ELP4: variants seen among roughly 807,000 people sequenced by gnomAD.
The protein encoded by ELP4 is elongator complex protein 4.
In ELP4, 51 loss-of-function variants were observed where a neutral mutation model predicts 48.9. The observed-to-expected ratio is 1.04, with a 90% confidence interval of 0.83 to 1.32. The LOEUF is 1.32. ELP4 is among the 40% of genes most tolerant of loss of function. The pLI, the probability that ELP4 is intolerant of heterozygous loss-of-function variation, is 0.00. For synonymous variants in ELP4, 210 were observed against 189.2 expected (o/e 1.11, Z -0.90); for missense variants, 519 against 514.6 (o/e 1.01, Z -0.08).
intron 3 of ELP4, among the ~76,000 whole-genome samples, chr11:31,547,919 T>A: frequency 6.6e-6 from 1 of 152,132 alleles, no homozygotes; most frequent in Non-Finnish European, 1.5e-5. Flanking sequence ...AGAAAAGGCC[T>A]TTGACAAAAT....
chr11:31,632,514 G>C, intron 7 of ELP4, 109 bp downstream of exon 7: 1 of 836,918 alleles, frequency 1.2e-6, no homozygotes, highest in Non-Finnish European at 1.7e-6. Flanking sequence ...ATCTTTTCAG[G>C]TGCTTTCTGG....
chr11:31,618,112 G>T (rs1163116939), intron 5 of ELP4, among the ~76,000 whole-genome samples: 1 of 151,932 alleles, frequency 6.6e-6, no homozygotes, highest in East Asian at 1.9e-4. Context: ...GATAAAAAAT[G>T]TTATATCCAT....
chr11:31,708,365 C>T (rs1447574111), intron 9 of ELP4, among the ~76,000 whole-genome samples: 8 of 152,106 alleles, frequency 5.3e-5, no homozygotes, highest in Admixed American at 5.2e-4. Flanking sequence ...ACAATTTTAG[C>T]AGTATAGCAT....
Position 31,783,251 on chromosome 11 carries a change from T to G in ELP4, c.1144-142T>G, listed in dbSNP as rs918663149. 18 of 672,892 alleles carry G rather than the reference T, an allele frequency of 2.7e-5. No homozygotes were observed. The Admixed American group carries it at 5.5e-4, about 21-fold the overall frequency. The allele number at this position is 672,892 out of a possible 1,614,324, so 41.7% of individuals were successfully genotyped here. ...TATACTGGAATTCAGTCTGAAGAATTGTTTTAGCAGGAATTTTATATGCAA... is the reference window on the plus strand; with the variant it reads ...TATACTGGAATTCAGTCTGAAGAATGGTTTTAGCAGGAATTTTATATGCAA... On this transcript the variant is annotated intron_variant, in intron 9 of 9. Coordinates refer to ENST00000640961, the MANE Select transcript of ELP4 (RefSeq NM_019040.5).
intron 7 of ELP4, chr11:31,633,204 C>A (rs1944901628): frequency 6.6e-6 from 1 of 152,046 alleles, no homozygotes; most frequent in Admixed American, 6.6e-5. Flanking sequence ...CCAGACCCTA[C>A]CTGCAAATAG....
intron 7 of ELP4, among the ~76,000 whole-genome samples, chr11:31,639,787 C>G (rs572003150): frequency 4.8e-4 from 73 of 151,942 alleles, no homozygotes; most frequent in South Asian, 2.3e-3. Context: ...TTAATCTAAC[C>G]AAAACATATT....
intron 6 of ELP4, among the ~76,000 whole-genome samples, chr11:31,631,078 T>C (rs1278703709): frequency 1.3e-5 from 2 of 152,202 alleles, no homozygotes; most frequent in Admixed American, 1.3e-4. Context: ...CTTATGTTCC[T>C]TTAGGCTTTC....
At chr11:31,548,317 C>T (rs896323140) in intron 3 of ELP4, among the ~76,000 whole-genome samples, 3 of 152,162 alleles carry the variant, frequency 2.0e-5, no homozygotes, top group African/African-American at 7.2e-5. Flanking sequence ...GTACAAAAAT[C>T]ACAAGCATTC....
At chr11:31,631,443 T>C (rs1219736677) in intron 6 of ELP4, among the ~76,000 whole-genome samples, 1 of 152,180 alleles carries the variant, frequency 6.6e-6, no homozygotes, top group Non-Finnish European at 1.5e-5. Context: ...GAAATTTTGC[T>C]GAATTTCTAA....
intron 9 of ELP4, among the ~76,000 whole-genome samples, chr11:31,738,957 G>A (rs956028674): frequency 1.3e-5 from 2 of 152,204 alleles, no homozygotes; most frequent in African/African-American, 2.4e-5. Context: ...TGAGTATAAA[G>A]TTTCAGTCAT....
At chr11:31,667,499 T>C (rs1945705828) in intron 9 of ELP4, among the ~76,000 whole-genome samples, 1 of 152,168 alleles carries the variant, frequency 6.6e-6, no homozygotes, top group Non-Finnish European at 1.5e-5. Flanking sequence ...GGATGTAACA[T>C]AATTTATTTT....
chr11:31,617,505 T>G (rs1238080657), intron 5 of ELP4, among the ~76,000 whole-genome samples: 1 of 152,058 alleles, frequency 6.6e-6, no homozygotes, highest in Non-Finnish European at 1.5e-5. Context: ...TCTGGAGATC[T>G]GTTTAACTTA....
chr11:31,698,890 T>G (rs1045980833), intron 9 of ELP4, among the ~76,000 whole-genome samples: 1 of 152,048 alleles, frequency 6.6e-6, no homozygotes, highest in Non-Finnish European at 1.5e-5. Context: ...ATGGAGCACA[T>G]GAATATAGTG....
intron 3 of ELP4, among the ~76,000 whole-genome samples, chr11:31,562,064 A>T (rs894278321): frequency 5.9e-5 from 9 of 152,192 alleles, no homozygotes; most frequent in Admixed American, 1.3e-4. Flanking sequence ...TGTTATGAGT[A>T]GACATATTGC....
intron 9 of ELP4, among the ~76,000 whole-genome samples, chr11:31,684,227 A>C (rs768475103): frequency 1.5e-4 from 23 of 151,946 alleles, no homozygotes; most frequent in Non-Finnish European, 2.8e-4. Context: ...AAAAAAAAAA[A>C]CCAGAATCTC....
intron 6 of ELP4, among the ~76,000 whole-genome samples, chr11:31,628,598 T>C (rs1054189987): frequency 1.3e-5 from 2 of 152,058 alleles, no homozygotes; most frequent in Admixed American, 1.3e-4. Context: ...CAGAAATTGA[T>C]AGACACCAAA....
rs1946366920 is a variant in ELP4 at position 31,694,925 on chromosome 11, G to A, written c.1143+44704G>A. Among the ~76,000 whole-genome samples the A allele has an allele frequency of 2.6e-5, 4 of 152,120 alleles. No homozygotes were observed. In the South Asian group the frequency reaches 8.3e-4, roughly 32 times the overall value. On this transcript the variant is annotated intron_variant, in intron 9 of 9. Coordinates refer to ENST00000640961, the MANE Select transcript of ELP4 (RefSeq NM_019040.5). ...GTATTTTATTCTCTTTGAAGCAGTT[G>A]TGAATGGGAGTTCACTCATGATTTG... is the stretch of plus-strand genomic sequence containing the variant.
chr11:31,563,774 A>G (rs1051830256), intron 3 of ELP4, among the ~76,000 whole-genome samples: 1 of 152,102 alleles, frequency 6.6e-6, no homozygotes, highest in Non-Finnish European at 1.5e-5. Flanking sequence ...GATACCATAT[A>G]CTTGAGAACC....
At chr11:31,637,424 C>T (rs1348280163) in intron 7 of ELP4, 1 of 151,892 alleles carries the variant, frequency 6.6e-6, no homozygotes, top group Non-Finnish European at 1.5e-5. Context: ...AACTAAAACA[C>T]TATATTTAAA....
Sources: gnomAD v4.1 joint callset for allele counts (sites outside exome capture counted in the v4.1 genomes callset) on GRCh38, gnomAD v4.1.1 for gene constraint, MANE v1.5 for transcripts, NCBI Gene and HGNC (gene_info 2026-07-23, HGNC 2026-07-21) for gene names.